Variants in PRELID2 observed in about 807,000 individuals in gnomAD.
The protein encoded by PRELID2 is PRELI domain containing 2.
PRELID2 carries 25 observed loss-of-function variants against 28.4 expected under a neutral mutation model. That is an observed-to-expected ratio of 0.88 (90% CI 0.64 to 1.23). The LOEUF (loss-of-function observed/expected upper bound fraction) is 1.23, where lower values mean the gene tolerates loss of function less well. PRELID2 is among the 50% of genes most tolerant of loss of function. PRELID2 has a pLI of 0.00. For synonymous variants in PRELID2, 76 were observed against 71.6 expected (o/e 1.06, Z -0.31); for missense variants, 201 against 214.4 (o/e 0.94, Z 0.39).
At chr5:145,521,695 C>G (rs1752564166) in intron 1 of PRELID2, among the ~76,000 whole-genome samples, 1 of 152,100 alleles carries the variant, frequency 6.6e-6, no homozygotes, top group Admixed American at 6.6e-5. Flanking sequence ...GCAAGAAATG[C>G]AGCCTGGAGC....
chr5:145,349,946 GC>G, the PRELID2 span, among the ~76,000 whole-genome samples: 1 of 152,192 alleles, frequency 6.6e-6, no homozygotes, highest in East Asian at 1.9e-4. Context: ...CATATTATGT[GC>G]CAAAGAGGGC....
chr5:145,633,640 C>A (rs1318929663), intron 1 of PRELID2, among the ~76,000 whole-genome samples: 2 of 152,212 alleles, frequency 1.3e-5, no homozygotes, highest in Non-Finnish European at 2.9e-5. Context: ...CAATATCATG[C>A]TGTTTGCTAT....
chr5:145,754,643 A>T (rs758150691), downstream of PRELID2, among the ~76,000 whole-genome samples: 1 of 152,176 alleles, frequency 6.6e-6, no homozygotes, highest in Non-Finnish European at 1.5e-5. Context: ...GAACAACATA[A>T]ATTTTGCTAA....
intron 1 of PRELID2, among the ~76,000 whole-genome samples, chr5:145,663,235 C>T (rs1754527860): frequency 6.6e-6 from 1 of 152,140 alleles, no homozygotes; most frequent in Non-Finnish European, 1.5e-5. Flanking sequence ...TCTCACCTCA[C>T]CTGCCCCATG....
chr5:145,241,565 G>T, the PRELID2 span, among the ~76,000 whole-genome samples: 12,714 of 152,000 alleles, frequency 0.084, 1,168 homozygotes, highest in African/African-American at 0.23. Flanking sequence ...TAAAAAGAGA[G>T]AATTTTATTT....
the PRELID2 span, among the ~76,000 whole-genome samples, chr5:145,369,900 T>A: frequency 6.6e-6 from 1 of 152,006 alleles, no homozygotes. Flanking sequence ...TTCACGTTTG[T>A]TCGCTGCATG....
chr5:145,617,056 C>G (rs553131018), intron 1 of PRELID2, among the ~76,000 whole-genome samples: 77 of 152,322 alleles, frequency 5.1e-4, no homozygotes, highest in African/African-American at 1.8e-3. Flanking sequence ...AGAAATATGG[C>G]TCTGTTCCAC....
intron 1 of PRELID2, among the ~76,000 whole-genome samples, chr5:145,554,105 T>A (rs771846516): frequency 5.3e-5 from 8 of 152,088 alleles, no homozygotes; most frequent in Non-Finnish European, 8.8e-5. Flanking sequence ...CTAGAAGCTG[T>A]TGGAAAAATG....
chr5:145,590,365 A>G (rs962214648), intron 1 of PRELID2, among the ~76,000 whole-genome samples: 1 of 152,198 alleles, frequency 6.6e-6, no homozygotes, highest in African/African-American at 2.4e-5. Context: ...TTATCTTCAT[A>G]GCATTTATTA....
chr5:145,680,035 G>T (rs1011029396), intron 1 of PRELID2, among the ~76,000 whole-genome samples: 1 of 151,944 alleles, frequency 6.6e-6, no homozygotes, highest in African/African-American at 2.4e-5. Context: ...AGCAAAAGGG[G>T]ACATGGATTA....
the PRELID2 span, among the ~76,000 whole-genome samples, chr5:145,251,708 T>C: frequency 6.6e-6 from 1 of 152,068 alleles, no homozygotes; most frequent in Non-Finnish European, 1.5e-5. Flanking sequence ...GGTCCTAGTT[T>C]TGGTTATGGA....
intron 1 of PRELID2, among the ~76,000 whole-genome samples, chr5:145,727,157 T>C (rs974675480): frequency 6.6e-6 from 1 of 152,158 alleles, no homozygotes; most frequent in African/African-American, 2.4e-5. Context: ...ACAGTTGTGA[T>C]GGTTTAGCAT....
chr5:145,527,882 C>T (rs1561500194), intron 1 of PRELID2, among the ~76,000 whole-genome samples: 1 of 152,132 alleles, frequency 6.6e-6, no homozygotes, highest in African/African-American at 2.4e-5. Context: ...AAAGTGTTAA[C>T]TTTATTATCT....
At chr5:145,341,875 G>C in the PRELID2 span, among the ~76,000 whole-genome samples, 903 of 152,262 alleles carry the variant, frequency 5.9e-3, 2 homozygotes, top group Non-Finnish European at 8.8e-3. Flanking sequence ...AGTCTAGCAA[G>C]AGATTTAGAC....
chr5:145,715,391 C>T (rs1178051154), intron 1 of PRELID2, among the ~76,000 whole-genome samples: 1 of 152,136 alleles, frequency 6.6e-6, no homozygotes, highest in Non-Finnish European at 1.5e-5. Flanking sequence ...GAGCTGCCAT[C>T]GCCTCTTGCC....
chr5:145,234,463 A>C, the PRELID2 span, among the ~76,000 whole-genome samples: 2 of 152,132 alleles, frequency 1.3e-5, no homozygotes, highest in African/African-American at 4.8e-5. Flanking sequence ...TCTGCCCTTA[A>C]CTACCACACT....
At chr5:145,600,567 T>A (rs1753382242) in intron 1 of PRELID2, among the ~76,000 whole-genome samples, 1 of 151,762 alleles carries the variant, frequency 6.6e-6, no homozygotes, top group African/African-American at 2.4e-5. Flanking sequence ...AATAGAGTGA[T>A]CACTGCTCAG....
chr5:145,504,633 C>G (rs572353402), intron 1 of PRELID2, among the ~76,000 whole-genome samples: 1 of 152,132 alleles, frequency 6.6e-6, no homozygotes, highest in Admixed American at 6.5e-5. Flanking sequence ...AACTCATCAG[C>G]TAAGTACCTC....
chr5:145,497,743 T>G (rs996382778), intron 1 of PRELID2, among the ~76,000 whole-genome samples: 4 of 152,176 alleles, frequency 2.6e-5, no homozygotes, highest in South Asian at 4.1e-4. Flanking sequence ...TAAAATATTT[T>G]GAGGTTTATT....
Sources: gnomAD v4.1 joint callset for allele counts (sites outside exome capture counted in the v4.1 genomes callset) on GRCh38, gnomAD v4.1.1 for gene constraint, MANE v1.5 for transcripts, NCBI Gene and HGNC (gene_info 2026-07-23, HGNC 2026-07-21) for gene names.